The following PARN variants were observed in gnomAD, a reference collection of about 807,000 sequenced individuals.
The protein encoded by PARN is poly(A)-specific ribonuclease.
Under a neutral mutation model 102.8 loss-of-function variants are expected in PARN, and 71 were observed. That is an observed-to-expected ratio of 0.69 (90% CI 0.57 to 0.84). PARN has a LOEUF of 0.84. Among genes scored for constraint, PARN ranks in the 40% least tolerant of loss-of-function variants. The probability of loss-of-function intolerance (pLI) is 0.00; values close to 1 mark genes in which losing one functional copy is unlikely to be tolerated. For synonymous variants in PARN, 261 were observed against 252.9 expected (o/e 1.03, Z -0.30); for missense variants, 782 against 760.9 (o/e 1.03, Z -0.33).
At chr16:14,459,087 C>T (rs1961830898) in intron 22 of PARN, among the ~76,000 whole-genome samples, 1 of 152,202 alleles carries the variant, frequency 6.6e-6, no homozygotes, top group South Asian at 2.1e-4. Context: ...AGATTGAAAG[C>T]TTTCCTCCTA....
chr16:14,625,663 C>G (rs1596923508), intron 5 of PARN, among the ~76,000 whole-genome samples: 1 of 152,214 alleles, frequency 6.6e-6, no homozygotes, highest in African/African-American at 2.4e-5. Flanking sequence ...TTCACCTTTT[C>G]TCTTTTGCCC....
intron 21 of PARN, among the ~76,000 whole-genome samples, chr16:14,532,707 C>T (rs917605853): frequency 4.0e-5 from 6 of 151,788 alleles, no homozygotes; most frequent in African/African-American, 1.5e-4. Flanking sequence ...GGGGGGCGAC[C>T]GGGCAGAGGC....
At chr16:14,544,098 A>G (rs1293130578) in intron 21 of PARN, among the ~76,000 whole-genome samples, 1 of 152,188 alleles carries the variant, frequency 6.6e-6, no homozygotes, top group Non-Finnish European at 1.5e-5. Flanking sequence ...AGGCAGAGGC[A>G]GGAGAATCGC....
chr16:14,575,379 C>T (rs1315939309), intron 18 of PARN, among the ~76,000 whole-genome samples: 1 of 152,212 alleles, frequency 6.6e-6, no homozygotes, highest in East Asian at 1.9e-4. Flanking sequence ...AGCAGAGCTG[C>T]CCAAGACCAT....
rs536789290 is a variant in PARN, at chr16:14,596,319, T to A, written c.841-2941A>T. ...TCAAAGAAGCTCCAATGGCCAAAGG[T>A]GGTACAATTTAAGCAACAAAGTAAA... On this transcript the variant is annotated intron_variant, in intron 12 of 23. Coordinates refer to ENST00000437198, the MANE Select transcript of PARN (RefSeq NM_002582.4). Among the ~76,000 whole-genome samples the A allele has an allele frequency of 5.9e-4, 90 of 151,698 alleles. 1 individual carries two copies. The highest frequency in any genetic ancestry group is 1.9e-4 in the Non-Finnish European group (13 of 67,942).
intron 21 of PARN, among the ~76,000 whole-genome samples, chr16:14,520,680 T>C (rs371826314): frequency 1.3e-5 from 2 of 150,582 alleles, no homozygotes; most frequent in Non-Finnish European, 3.0e-5. Flanking sequence ...GACTGGGTGA[T>C]GGGAGTGAAA....
intron 18 of PARN, among the ~76,000 whole-genome samples, chr16:14,561,799 C>G (rs895665014): frequency 3.3e-5 from 5 of 152,214 alleles, no homozygotes; most frequent in African/African-American, 1.2e-4. Flanking sequence ...CAGAGAAAGA[C>G]CCTGTCTACA....
intron 5 of PARN, among the ~76,000 whole-genome samples, chr16:14,626,688 T>C (rs551857017): frequency 2.6e-5 from 4 of 151,880 alleles, no homozygotes; most frequent in African/African-American, 4.8e-5. Flanking sequence ...CTCGGCTCAC[T>C]GCAACCTCCA....
intron 5 of PARN, among the ~76,000 whole-genome samples, chr16:14,619,422 C>A (rs1264780369): frequency 1.3e-5 from 2 of 151,210 alleles, no homozygotes; most frequent in African/African-American, 4.9e-5. Flanking sequence ...GGCAACATGG[C>A]AAGACCCCAT....
chr16:14,436,890 C>A, intron 23 of PARN, 118 bp from the exon 24 acceptor site: 1 of 732,500 alleles, frequency 1.4e-6, no homozygotes, highest in Non-Finnish European at 2.4e-6. Context: ...GGGCCAGCGT[C>A]TGGCTAAACA....
intron 21 of PARN, among the ~76,000 whole-genome samples, chr16:14,505,005 T>G (rs1452240022): frequency 1.3e-5 from 2 of 152,216 alleles, no homozygotes; most frequent in Non-Finnish European, 2.9e-5. Flanking sequence ...CAGGCAGTAC[T>G]GAGATGTGGG....
intron 22 of PARN, among the ~76,000 whole-genome samples, chr16:14,451,843 TAAAAAAAAAAAAAAAAAAAAAAA>T (rs1961462263): frequency 5.5e-5 from 3 of 54,620 alleles, no homozygotes; most frequent in African/African-American, 1.3e-4. Flanking sequence ...ACCCCGTCTC[TAAAAAAAAAAAAAAAAAAAAAAA>T]TACAAAAAAA....
intron 21 of PARN, among the ~76,000 whole-genome samples, chr16:14,484,002 C>T (rs939227032): frequency 6.6e-6 from 1 of 152,178 alleles, no homozygotes; most frequent in Non-Finnish European, 1.5e-5. Flanking sequence ...TCCTGTCCTT[C>T]CCCTGGAGTC....
intron 21 of PARN, among the ~76,000 whole-genome samples, chr16:14,498,122 CAAAA>C (rs34124932): frequency 2.2e-5 from 1 of 44,888 alleles, no homozygotes; most frequent in African/African-American, 8.9e-5. Context: ...GACTCCATCT[CAAAA>C]AAAAAAAAAA....
At chr16:14,436,910 G>A (rs2055132359) in intron 23 of PARN, 138 bp from the exon 24 acceptor site, 1 of 661,046 alleles carries the variant, frequency 1.5e-6, no homozygotes. Flanking sequence ...AGCTGCGCTG[G>A]AAAGAGTCCA....
chr16:14,575,777 G>C (rs752892367), intron 18 of PARN, among the ~76,000 whole-genome samples: 2 of 152,112 alleles, frequency 1.3e-5, no homozygotes, highest in African/African-American at 4.8e-5. Context: ...AGGGGCCAAG[G>C]GTGGAATTAT....
At chr16:14,580,411 C>T (rs1315097168) in intron 18 of PARN, among the ~76,000 whole-genome samples, 1 of 152,122 alleles carries the variant, frequency 6.6e-6, no homozygotes, top group Non-Finnish European at 1.5e-5. Context: ...CTACAGCCTC[C>T]CGAGTAGCTG....
At position 14,509,574 on chromosome 16, in the gene PARN, T is replaced by C. The variant is rs111979774; in HGVS notation, c.1481-26747A>G. ...CCTAAACCCCATCCATCACATAAGA[T>C]AGATAACAAATTATGAAGATCAATT... On this transcript the variant is annotated intron_variant, in intron 21 of 23. Coordinates refer to ENST00000437198, the MANE Select transcript of PARN (RefSeq NM_002582.4). 2.9e-3 allele frequency among the ~76,000 whole-genome samples: 449 copies of C among 152,314 alleles called. 8 individuals are homozygous for C. Among genetic ancestry groups the C allele is most frequent in the Middle Eastern group, 0.014 (4 of 294 alleles).
chr16:14,514,378 G>A (rs1310290768), intron 21 of PARN, among the ~76,000 whole-genome samples: 1 of 151,998 alleles, frequency 6.6e-6, no homozygotes, highest in Non-Finnish European at 1.5e-5. Context: ...AGTAGAGACA[G>A]GGTTTCACCG....
Sources: gnomAD v4.1 joint callset for allele counts (sites outside exome capture counted in the v4.1 genomes callset) on GRCh38, gnomAD v4.1.1 for gene constraint, MANE v1.5 for transcripts, NCBI Gene and HGNC (gene_info 2026-07-23, HGNC 2026-07-21) for gene names.